Variants in ESRRG observed in about 807,000 individuals in gnomAD.
ESRRG encodes estrogen-related receptor gamma.
ESRRG carries 13 observed loss-of-function variants against 44.0 expected under a neutral mutation model. The observed-to-expected ratio is 0.30, with a 90% CI of 0.19 to 0.47. The LOEUF (loss-of-function observed/expected upper bound fraction) is 0.47. Among genes scored for constraint, ESRRG ranks in the 20% least tolerant of loss-of-function variants. ESRRG has a pLI of 1.00. For synonymous variants in ESRRG, 215 were observed against 214.6 expected (o/e 1.00, Z -0.02); for missense variants, 395 against 580.6 (o/e 0.68, Z 3.29).
intron 1 of ESRRG, among the ~76,000 whole-genome samples, chr1:216,978,267 T>C (rs188789366): frequency 6.6e-6 from 1 of 152,316 alleles, no homozygotes; most frequent in African/African-American, 2.4e-5. Context: ...GCCATACTCA[T>C]TCATTTCCAT....
chr1:216,515,555 G>T (rs1192000896), intron 6 of ESRRG, among the ~76,000 whole-genome samples: 2 of 152,144 alleles, frequency 1.3e-5, no homozygotes, highest in Non-Finnish European at 2.9e-5. Context: ...TCATGAGGTT[G>T]TTAGAGTTAT....
chr1:216,946,050 T>C (rs1360376681), intron 1 of ESRRG, among the ~76,000 whole-genome samples: 1 of 152,242 alleles, frequency 6.6e-6, no homozygotes, highest in African/African-American at 2.4e-5. Flanking sequence ...ACTAAATGAA[T>C]GAATTAACTT....
intron 2 of ESRRG, among the ~76,000 whole-genome samples, chr1:216,907,012 T>A (rs1307955080): frequency 1.3e-5 from 2 of 152,186 alleles, no homozygotes; most frequent in Non-Finnish European, 2.9e-5. Flanking sequence ...GGGATGTGTG[T>A]GGACATGTGC....
At chr1:216,825,904 A>G (rs1488553530) in intron 2 of ESRRG, among the ~76,000 whole-genome samples, 2 of 152,178 alleles carry the variant, frequency 1.3e-5, no homozygotes, top group African/African-American at 4.8e-5. Context: ...AACTAAATCT[A>G]TTAGTTCTTC....
intron 1 of ESRRG, among the ~76,000 whole-genome samples, chr1:217,020,099 T>C (rs1342308005): frequency 6.6e-6 from 1 of 152,142 alleles, no homozygotes; most frequent in East Asian, 1.9e-4. Flanking sequence ...TTTCCTCCTC[T>C]TCCCTGAATC....
intron 1 of ESRRG, among the ~76,000 whole-genome samples, chr1:216,709,370 C>T (rs555015858): frequency 1.5e-5 from 2 of 134,100 alleles, no homozygotes; most frequent in Non-Finnish European, 3.0e-5. Context: ...TATTCAATTT[C>T]TCTAATTAAT....
At chr1:217,090,903 C>T (rs1252896746), upstream of ESRRG, among the ~76,000 whole-genome samples, 1 of 152,180 alleles carries the variant, frequency 6.6e-6, no homozygotes, top group African/African-American at 2.4e-5. Context: ...GTCTCAAGAA[C>T]AATCCTTAAC....
intron 1 of ESRRG, among the ~76,000 whole-genome samples, chr1:217,049,187 T>A (rs2085447370): frequency 6.6e-6 from 1 of 152,206 alleles, no homozygotes; most frequent in Non-Finnish European, 1.5e-5. Flanking sequence ...ATTTCTTTCT[T>A]AGATAAGCCT....
intron 2 of ESRRG, among the ~76,000 whole-genome samples, chr1:216,856,146 C>T (rs568037965): frequency 6.6e-6 from 1 of 150,880 alleles, no homozygotes; most frequent in Admixed American, 6.6e-5. Flanking sequence ...AACTCACTTG[C>T]TTTGTTTCTT....
intron 1 of ESRRG, among the ~76,000 whole-genome samples, chr1:217,051,264 G>A (rs1206594562): frequency 6.7e-6 from 1 of 149,064 alleles, no homozygotes; most frequent in African/African-American, 2.5e-5. Context: ...GAACCTAAGA[G>A]GGTTTCCCTT....
At chr1:216,586,240 TCA>T (rs1421760749) in intron 3 of ESRRG, among the ~76,000 whole-genome samples, 15 of 152,144 alleles carry the variant, frequency 9.9e-5, no homozygotes, top group Admixed American at 9.8e-4. Context: ...TACCTGGGTC[TCA>T]GTTTCTTTAC....
In ESRRG at chr1:216,686,945, A is replaced by C. The variant is rs553152366; in HGVS notation, c.57-9454T>G. ...CTTGAGAGCAAGGACTATTGCACCG[A>C]GGAGCACTCTTCAAACTCCCAAACT... On this transcript the variant is annotated intron_variant, in intron 1 of 6. Transcript: ENST00000408911. Among the ~76,000 whole-genome samples the C allele has an allele frequency of 2.1e-3, 323 of 152,264 alleles. 2 individuals carry two copies. Among genetic ancestry groups the C allele is most frequent in the African/African-American group, 7.7e-3 (318 of 41,548 alleles).
intron 1 of ESRRG, among the ~76,000 whole-genome samples, chr1:216,680,304 C>T (rs1338155748): frequency 6.6e-6 from 1 of 152,126 alleles, no homozygotes; most frequent in African/African-American, 2.4e-5. Context: ...GGAAACCGAG[C>T]CTCAGACCTT....
chr1:216,595,539 G>A (rs1019343932), intron 3 of ESRRG, among the ~76,000 whole-genome samples: 11 of 152,160 alleles, frequency 7.2e-5, no homozygotes, highest in Admixed American at 5.2e-4. Context: ...AGTATCAAAT[G>A]TCAAATGCAT....
intron 1 of ESRRG, among the ~76,000 whole-genome samples, chr1:216,690,469 G>A (rs1208008163): frequency 6.6e-6 from 1 of 152,102 alleles, no homozygotes; most frequent in Non-Finnish European, 1.5e-5. Context: ...AGAAATCACA[G>A]TGGTTTTCTG....
chr1:216,753,653 AT>A (rs2092248130), intron 2 of ESRRG, among the ~76,000 whole-genome samples: 1 of 152,114 alleles, frequency 6.6e-6, no homozygotes, highest in African/African-American at 2.4e-5. Context: ...AAAAGTGTAT[AT>A]ATTCTTACAT....
In ESRRG at chr1:216,660,967, A is replaced by G. The variant is rs887416153; in HGVS notation, c.473-9878T>C. Among the ~76,000 whole-genome samples, 13 of 105,086 alleles carry G rather than the reference A, an allele frequency of 1.2e-4. 1 individual carries two copies. Among genetic ancestry groups the G allele is most frequent in the Middle Eastern group, 5.4e-3 (1 of 186 alleles). 68.9% of individuals were successfully genotyped at this position (105,086 alleles called of 152,430 possible). A position where few individuals can be genotyped will look rare whatever the true frequency, so the allele number is the denominator to read the frequency against. ...AAATAATGTTCTTGTTCCTGATGGG[A>G]AAAAAAAAGTAATCCATAATCATGA... On this transcript the variant is annotated intron_variant, in intron 2 of 6. Coordinates refer to ENST00000408911, the MANE Select transcript of ESRRG (RefSeq NM_001438.4).
intron 1 of ESRRG, among the ~76,000 whole-genome samples, chr1:217,069,838 G>T (rs1014623189): frequency 6.6e-6 from 1 of 152,084 alleles, no homozygotes; most frequent in Non-Finnish European, 1.5e-5. Context: ...TTCCCTCCAG[G>T]CCCCAGCCTG....
chr1:216,653,141 A>G (rs2069443346), intron 2 of ESRRG, among the ~76,000 whole-genome samples: 1 of 152,186 alleles, frequency 6.6e-6, no homozygotes, highest in Non-Finnish European at 1.5e-5. Flanking sequence ...TGCCACAAAC[A>G]TAATCATCAT....
Sources: gnomAD v4.1 joint callset for allele counts (sites outside exome capture counted in the v4.1 genomes callset) on GRCh38, gnomAD v4.1.1 for gene constraint, MANE v1.5 for transcripts, NCBI Gene and HGNC (gene_info 2026-07-23, HGNC 2026-07-21) for gene names.